Variants in EYS observed in about 807,000 individuals in gnomAD.
The protein encoded by EYS is EGF-like photoreceptor maintenance factor, also known as protein eyes shut homolog.
Under a neutral mutation model 282.1 loss-of-function variants are expected in EYS, and 250 were observed. The ratio of observed to expected loss-of-function variants is 0.89; its 90% CI spans 0.80 to 0.98. The LOEUF (loss-of-function observed/expected upper bound fraction) is 0.98. Among genes scored for constraint, EYS ranks in the 50% least tolerant of loss-of-function variants. The pLI is 0.00. For missense variants in EYS, 4,016 were observed against 3,709.0 expected, an observed-to-expected ratio of 1.08 and a Z score of -2.15; for synonymous variants, 1,355 against 1,282.9, an observed-to-expected ratio of 1.06 and a Z score of -1.20.
At chr6:65,254,256 T>G (rs1385723840) in intron 12 of EYS, among the ~76,000 whole-genome samples, 1 of 151,734 alleles carries the variant, frequency 6.6e-6, no homozygotes, top group Non-Finnish European at 1.5e-5. Flanking sequence ...AGAAAACAAC[T>G]GGCTTGTGTA....
intron 13 of EYS, among the ~76,000 whole-genome samples, chr6:65,003,603 T>TTG (rs1389009451): frequency 6.8e-6 from 1 of 147,184 alleles, no homozygotes. Flanking sequence ...TTGCTGGGTT[T>TTG]TGTGTCTTGT....
intron 31 of EYS, among the ~76,000 whole-genome samples, chr6:64,151,309 GTGTATATTTATATATA>G (rs1774697933): frequency 2.2e-5 from 2 of 89,760 alleles, no homozygotes; most frequent in Non-Finnish European, 3.9e-5. Flanking sequence ...ACGTGTGTGT[GTGTATATTTATATATA>G]TATATATATA....
At chr6:64,372,130 G>GTTTTGTTT (rs1772394706) in intron 29 of EYS, among the ~76,000 whole-genome samples, 1 of 97,738 alleles carries the variant, frequency 1.0e-5, no homozygotes, top group African/African-American at 4.7e-5. Context: ...GTATACTTGT[G>GTTTTGTTT]TTTTTTTTTT....
intron 5 of EYS, among the ~76,000 whole-genome samples, chr6:65,459,839 C>A (rs568630409): frequency 2.1e-4 from 32 of 150,604 alleles, no homozygotes; most frequent in Middle Eastern, 3.5e-3. Context: ...TCCATTCTCA[C>A]AAAGTAGTCA....
At chr6:64,276,125 G>A (rs560311036) in intron 30 of EYS, among the ~76,000 whole-genome samples, 12 of 152,170 alleles carry the variant, frequency 7.9e-5, no homozygotes, top group African/African-American at 2.9e-4. Flanking sequence ...TTAAGGTTTG[G>A]TCTTTAGATA....
chr6:64,126,504 A>C (rs550471846), intron 31 of EYS, among the ~76,000 whole-genome samples: 1 of 152,086 alleles, frequency 6.6e-6, no homozygotes, highest in East Asian at 1.9e-4. Context: ...GATCACTCAG[A>C]TATCTTACTA....
intron 12 of EYS, among the ~76,000 whole-genome samples, chr6:65,103,728 T>A (rs1485599360): frequency 6.6e-6 from 1 of 151,544 alleles, no homozygotes; most frequent in Non-Finnish European, 1.5e-5. Context: ...TTAGATGATG[T>A]TATGCAGTAA....
chr6:65,279,004 C>A (rs1260219339), intron 12 of EYS, among the ~76,000 whole-genome samples: 1 of 151,930 alleles, frequency 6.6e-6, no homozygotes, highest in East Asian at 1.9e-4. Context: ...GGCTGGCCAC[C>A]ATGGCTAAAC....
At chr6:63,915,173 T>A (rs1764390519) in intron 35 of EYS, among the ~76,000 whole-genome samples, 1 of 152,210 alleles carries the variant, frequency 6.6e-6, no homozygotes, top group Non-Finnish European at 1.5e-5. Flanking sequence ...AACTTTCTTG[T>A]TAGGGGCTAA....
chr6:64,317,370 G>A (rs1409984614), intron 29 of EYS, among the ~76,000 whole-genome samples: 1 of 150,866 alleles, frequency 6.6e-6, no homozygotes, highest in Admixed American at 6.6e-5. Context: ...GTAGGCACAG[G>A]ATATGAACAG....
At chr6:64,334,867 C>T (rs1193001465) in intron 29 of EYS, among the ~76,000 whole-genome samples, 1 of 152,090 alleles carries the variant, frequency 6.6e-6, no homozygotes, top group African/African-American at 2.4e-5. Context: ...CCCAAGTTCA[C>T]TCTTTGGAGG....
chr6:64,547,876 G>A (rs1350927573), intron 26 of EYS, among the ~76,000 whole-genome samples: 1 of 152,222 alleles, frequency 6.6e-6, no homozygotes, highest in South Asian at 2.1e-4. Context: ...CTGCAAGGAG[G>A]CAGCTAAGGC....
At chr6:64,728,827 C>T (rs1411996568) in intron 22 of EYS, 2 of 152,274 alleles carry the variant, frequency 1.3e-5, no homozygotes, top group East Asian at 3.9e-4. Flanking sequence ...TCAGGTCTTA[C>T]TAACGAATTG....
At chr6:65,651,145 A>T (rs1767637710) in intron 1 of EYS, among the ~76,000 whole-genome samples, 1 of 152,220 alleles carries the variant, frequency 6.6e-6, no homozygotes, top group East Asian at 1.9e-4. Context: ...ACATGTTAAT[A>T]TTATCAATTA....
At chr6:65,458,270 G>A (rs895400493) in intron 5 of EYS, among the ~76,000 whole-genome samples, 1 of 152,028 alleles carries the variant, frequency 6.6e-6, no homozygotes, top group Non-Finnish European at 1.5e-5. Context: ...ATTCTCTACC[G>A]TGGCACATCA....
intron 22 of EYS, among the ~76,000 whole-genome samples, chr6:64,651,328 A>C (rs1014801495): frequency 6.6e-6 from 1 of 152,214 alleles, no homozygotes; most frequent in African/African-American, 2.4e-5. Context: ...CATATTGAGA[A>C]TGTATCTGTA....
At chr6:64,087,978 C>T (rs181866397) in intron 31 of EYS, among the ~76,000 whole-genome samples, 8 of 152,062 alleles carry the variant, frequency 5.3e-5, no homozygotes, top group Non-Finnish European at 1.0e-4. Context: ...TCAGGTGCAC[C>T]TGCCTACTTT....
At chr6:64,163,433 C>G (rs957851325) in intron 31 of EYS, among the ~76,000 whole-genome samples, 2 of 152,012 alleles carry the variant, frequency 1.3e-5, no homozygotes, top group African/African-American at 4.8e-5. Flanking sequence ...TTGCAATATT[C>G]TGACATTTTG....
chr6:65,085,355 T>G (rs1405355631), intron 12 of EYS, among the ~76,000 whole-genome samples: 1 of 152,146 alleles, frequency 6.6e-6, no homozygotes, highest in Non-Finnish European at 1.5e-5. Flanking sequence ...CTTAATTTTC[T>G]GTTTGGTTTT....
Sources: gnomAD v4.1 joint callset for allele counts (sites outside exome capture counted in the v4.1 genomes callset) on GRCh38, gnomAD v4.1.1 for gene constraint, MANE v1.5 for transcripts, NCBI Gene and HGNC (gene_info 2026-07-23, HGNC 2026-07-21) for gene names.